Variants in PRORP observed in about 807,000 individuals in gnomAD.
The protein encoded by PRORP is mitochondrial ribonuclease P catalytic subunit.
PRORP carries 51 observed loss-of-function variants against 59.4 expected under a neutral mutation model. The ratio of observed to expected loss-of-function variants is 0.86; its 90% CI spans 0.69 to 1.08. The LOEUF (loss-of-function observed/expected upper bound fraction) is 1.08. Among genes scored for constraint, PRORP ranks in the 50% least tolerant of loss-of-function variants. PRORP has a pLI of 0.00. For synonymous variants in PRORP, 231 were observed against 245.6 expected (o/e 0.94, Z 0.55); for missense variants, 646 against 690.3 (o/e 0.94, Z 0.72).
In PRORP at chr14:35,123,364, G is replaced by A; in HGVS notation, c.119G>A (p.Arg40Lys). Reference sequence around the variant, plus strand: ...TTTCTGGCAGACCGCTGTGGCATCAGGAACCAGCAGAGGTTGTTTTCTCTT... The same window carrying A: ...TTTCTGGCAGACCGCTGTGGCATCAAGAACCAGCAGAGGTTGTTTTCTCTT... ...SLFLADRCGIRNQQRLFSLKT... is the reference protein window; with the variant it reads ...SLFLADRCGIKNQQRLFSLKT... Residue 40 changes from arginine to lysine, a missense_variant, in exon 2 of 8, where the codon AGG becomes AAG. By Grantham distance (26) the Arg-to-Lys change is conservative. Transcript: ENST00000534898. 1 of 1,614,126 alleles carries A rather than the reference G, an allele frequency of 6.2e-7. No individual in the cohort carries two copies. Among genetic ancestry groups the A allele is most frequent in the Non-Finnish European group, 8.5e-7 (1 of 1,180,026 alleles).
intron 7 of PRORP, among the ~76,000 whole-genome samples, chr14:35,272,047 C>CAA (rs369960066): frequency 1.0e-3 from 144 of 142,212 alleles, no homozygotes; most frequent in African/African-American, 3.4e-3. Context: ...AAAAAAACAA[C>CAA]AAAAAAAAAA....
At chr14:35,179,076 TC>T (rs1254128581) in intron 4 of PRORP, among the ~76,000 whole-genome samples, 1 of 152,256 alleles carries the variant, frequency 6.6e-6, no homozygotes, top group African/African-American at 2.4e-5. Flanking sequence ...GCCCCCACTC[TC>T]TTCTGGCTTG....
chr14:35,169,491 G>A (rs144302807), intron 4 of PRORP, among the ~76,000 whole-genome samples: 31 of 129,930 alleles, frequency 2.4e-4, no homozygotes, highest in African/African-American at 9.2e-4. Context: ...TGCATGGCTG[G>A]GGAGGCCTTA....
chr14:35,132,156 C>A (rs923970913), intron 4 of PRORP, among the ~76,000 whole-genome samples: 1 of 151,428 alleles, frequency 6.6e-6, no homozygotes, highest in African/African-American at 2.4e-5. Flanking sequence ...TTTCTTTATC[C>A]GTTGAAGGTT....
At chr14:35,155,631 A>G (rs2047895718) in intron 4 of PRORP, among the ~76,000 whole-genome samples, 1 of 150,706 alleles carries the variant, frequency 6.6e-6, no homozygotes, top group African/African-American at 2.4e-5. Context: ...GAAAAGGGAG[A>G]TTATAAAACA....
rs1292371394 is a variant in PRORP at position 35,275,316 on chromosome 14, G to A, written c.*1750G>A. On this transcript the variant is annotated 3_prime_UTR_variant, in exon 8 of 8. Coordinates refer to ENST00000534898, the MANE Select transcript of PRORP (RefSeq NM_014672.4). ...AACCATATACATGTGTATAATTAGG[G>A]TATGTATTATGCACAGAGAAACAAT... 6.6e-6 allele frequency: 1 copy of A among 151,996 alleles called. No individual in the cohort carries two copies. The highest frequency in any genetic ancestry group is 1.9e-4 in the East Asian group (1 of 5,196). The allele number at this position is 151,996 out of a possible 1,614,324, so 9.4% of individuals were successfully genotyped here.
chr14:35,188,961 A>AAAAAAAAAGAAAG (rs1555326788), intron 5 of PRORP, among the ~76,000 whole-genome samples: 42 of 132,748 alleles, frequency 3.2e-4, no homozygotes, highest in Non-Finnish European at 4.1e-4. Context: ...AAAAAAAAAA[A>AAAAAAAAAGAAAG]AAAGTATTGC....
chr14:35,169,653 A>G (rs151249717), intron 4 of PRORP, among the ~76,000 whole-genome samples: 170 of 152,158 alleles, frequency 1.1e-3, no homozygotes, highest in African/African-American at 3.2e-3. Context: ...CATGGAAGAA[A>G]CCACCCCCAT....
intron 5 of PRORP, among the ~76,000 whole-genome samples, chr14:35,205,812 C>T (rs2049278618): frequency 6.6e-6 from 1 of 152,172 alleles, no homozygotes; most frequent in Non-Finnish European, 1.5e-5. Context: ...GAAAACGTGG[C>T]TAATTTCTTC....
intron 4 of PRORP, among the ~76,000 whole-genome samples, chr14:35,151,731 AG>A (rs779144803): frequency 1.3e-5 from 2 of 151,960 alleles, no homozygotes; most frequent in South Asian, 4.1e-4. Context: ...CCACAAGGGT[AG>A]GGATTTTTAA....
At chr14:35,164,790 T>A (rs2048142932) in intron 4 of PRORP, among the ~76,000 whole-genome samples, 1 of 151,926 alleles carries the variant, frequency 6.6e-6, no homozygotes, top group Admixed American at 6.6e-5. Flanking sequence ...AAAAGAAAAA[T>A]CCTTCATTAG....
chr14:35,131,542 T>A (rs1356599427), intron 4 of PRORP, among the ~76,000 whole-genome samples: 1 of 151,702 alleles, frequency 6.6e-6, no homozygotes, highest in East Asian at 1.9e-4. Flanking sequence ...GTTTTTTTTT[T>A]TTTTGAGACA....
rs530283774 is a variant in PRORP, at chr14:35,276,247, C to T, written c.*2681C>T. 1.3e-5 allele frequency: 2 copies of T among 152,530 alleles called. No homozygotes were observed. The highest frequency in any genetic ancestry group is 6.6e-5 in the Admixed American group (1 of 15,254). The allele number at this position is 152,530 out of a possible 1,614,324, so 9.4% of individuals were successfully genotyped here. On this transcript the variant is annotated 3_prime_UTR_variant, in exon 8 of 8. Transcript: ENST00000534898. ...ACTTGAGCCCCAGAGGTCAAGGCTA[C>T]AGTGAGCTATGATCATGCTACTACA...
intron 5 of PRORP, among the ~76,000 whole-genome samples, chr14:35,216,261 G>A (rs2049591408): frequency 6.8e-6 from 1 of 148,014 alleles, no homozygotes; most frequent in Non-Finnish European, 1.5e-5. Flanking sequence ...AATTATGTGT[G>A]CGTGTGTGTC....
At chr14:35,262,529 C>T in intron 5 of PRORP, 1 of 629,698 alleles carries the variant, frequency 1.6e-6, no homozygotes, top group South Asian at 1.6e-5. Flanking sequence ...AAGGGACACA[C>T]AGTTACTGTG....
chr14:35,277,497 T>C lies in PRORP; in HGVS notation c.*3931T>C, dbSNP rs1330040161. On this transcript the variant is annotated 3_prime_UTR_variant, in exon 8 of 8. Transcript: ENST00000534898. ...ACAAGCAGTCTGCTTGAGTCTGTGC[T>C]AAATAAACAAAGGAAGTTCCATTTA... 6.6e-6 allele frequency: 1 copy of C among 152,152 alleles called. No individual in the cohort carries two copies. The highest frequency in any genetic ancestry group is 2.4e-5 in the African/African-American group (1 of 41,414). The allele number at this position is 152,152 out of a possible 1,614,324, so 9.4% of individuals were successfully genotyped here. A position where few individuals can be genotyped will look rare whatever the true frequency, so the allele number is the denominator to read the frequency against.
chr14:35,231,343 T>G (rs1477750402), intron 5 of PRORP, among the ~76,000 whole-genome samples: 1 of 152,152 alleles, frequency 6.6e-6, no homozygotes, highest in Admixed American at 6.5e-5. Context: ...AAATTACCAG[T>G]TTTTATTTTT....
intron 4 of PRORP, among the ~76,000 whole-genome samples, chr14:35,135,358 CTGCCTTCT>C (rs2138822764): frequency 6.6e-6 from 1 of 152,288 alleles, no homozygotes; most frequent in African/African-American, 2.4e-5. Context: ...GCCTTTTATT[CTGCCTTCT>C]TGCTCCACCC....
chr14:35,215,734 C>G lies in PRORP; in HGVS notation c.1275+34957C>G, dbSNP rs116431248. Among the ~76,000 whole-genome samples the G allele has an allele frequency of 5.2e-3, 796 of 151,906 alleles. 7 individuals are homozygous for G. Among genetic ancestry groups the G allele is most frequent in the African/African-American group, 0.018 (751 of 41,446 alleles). On this transcript the variant is annotated intron_variant, in intron 5 of 7. Coordinates refer to ENST00000534898, the MANE Select transcript of PRORP (RefSeq NM_014672.4). ...TGAGCAATTATTTCACCACTGCACTCCAGCCCAGGTGACAGAGTAAGACTC... is the reference window on the plus strand; with the variant it reads ...TGAGCAATTATTTCACCACTGCACTGCAGCCCAGGTGACAGAGTAAGACTC...
Sources: allele counts gnomAD v4.1 joint callset (sites outside exome capture counted in the v4.1 genomes callset), GRCh38; gene constraint gnomAD v4.1.1; transcripts MANE v1.5; gene names NCBI Gene and HGNC (gene_info 2026-07-23, HGNC 2026-07-21).